Variants in EML4 observed in about 807,000 individuals in gnomAD.
EML4 encodes EMAP like 4.
Under a neutral mutation model 129.0 loss-of-function variants are expected in EML4, and 72 were observed. That is an observed-to-expected ratio of 0.56 (90% CI 0.46 to 0.68). EML4 has a LOEUF of 0.68. Ranked by LOEUF, EML4 falls within the 30% of genes least tolerant of loss-of-function variation. The probability of loss-of-function intolerance (pLI) is 0.00; values close to 1 mark genes in which losing one functional copy is unlikely to be tolerated. For missense variants in EML4, 1,363 were observed against 1,190.6 expected (o/e 1.14, Z -2.13); for synonymous variants, 532 against 405.0 (o/e 1.31, Z -3.77).
chr2:42,284,112 G>A (rs773745930), intron 8 of EML4, among the ~76,000 whole-genome samples: 5 of 152,114 alleles, frequency 3.3e-5, no homozygotes, highest in East Asian at 1.9e-4. Flanking sequence ...AGAATTTAGC[G>A]CTAAGAACTA....
intron 19 of EML4, among the ~76,000 whole-genome samples, chr2:42,320,839 C>G (rs1160347002): frequency 1.3e-5 from 2 of 151,908 alleles, no homozygotes; most frequent in South Asian, 2.1e-4. Context: ...GCCCAGGAGA[C>G]AGTATATTTA....
chr2:42,261,379 A>G lies in EML4; in HGVS notation c.512+85A>G, dbSNP rs529373671. On this transcript the variant is annotated intron_variant, in intron 4 of 22. Coordinates refer to ENST00000318522, the MANE Select transcript of EML4 (RefSeq NM_019063.5). ...GACTTGGGAAAAAGTTAGCTATCCA[A>G]GGATTCTGAGAGAAAAAGCTGGTGG... 3.4e-5 allele frequency: 43 copies of G among 1,246,530 alleles called. No individual in the cohort carries two copies. In the South Asian group the frequency reaches 7.9e-4, roughly 23 times the overall value. The allele number at this position is 1,246,530 out of a possible 1,614,324, so 77.2% of individuals were successfully genotyped here.
chr2:42,285,011 C>T (rs1667209012), intron 9 of EML4, among the ~76,000 whole-genome samples: 1 of 152,022 alleles, frequency 6.6e-6, no homozygotes, highest in Non-Finnish European at 1.5e-5. Flanking sequence ...CCAGTGTCTG[C>T]GGGAAGGTAC....
intron 21 of EML4, among the ~76,000 whole-genome samples, chr2:42,327,344 C>G (rs948416632): frequency 1.3e-5 from 2 of 152,174 alleles, no homozygotes; most frequent in African/African-American, 4.8e-5. Flanking sequence ...GTTTTCATTT[C>G]TCTTGGGTAT....
chr2:42,315,542 C>G (rs555162861), intron 17 of EML4, among the ~76,000 whole-genome samples: 9 of 152,088 alleles, frequency 5.9e-5, no homozygotes, highest in Non-Finnish European at 1.0e-4. Flanking sequence ...GAAAACATAT[C>G]ATACTTAAGG....
chr2:42,200,353 G>T (rs1672153620), intron 1 of EML4, among the ~76,000 whole-genome samples: 1 of 151,986 alleles, frequency 6.6e-6, no homozygotes, highest in African/African-American at 2.4e-5. Flanking sequence ...GCACTGTGTA[G>T]ACAAGGGGAA....
At chr2:42,172,030 G>A (rs1670313222) in intron 1 of EML4, among the ~76,000 whole-genome samples, 1 of 151,920 alleles carries the variant, frequency 6.6e-6, no homozygotes, top group South Asian at 2.1e-4. Context: ...ATAAAGGCAA[G>A]CACTTCTACT....
intron 3 of EML4, among the ~76,000 whole-genome samples, chr2:42,259,722 C>CTTTTTTTTTTTT (rs780243101): frequency 8.1e-5 from 8 of 98,346 alleles, no homozygotes; most frequent in African/African-American, 2.1e-4. Flanking sequence ...TTCTTTCTTT[C>CTTTTTTTTTTTT]TTTTTTTTTT....
chr2:42,269,896 G>A (rs191231395), intron 6 of EML4, among the ~76,000 whole-genome samples: 1 of 152,242 alleles, frequency 6.6e-6, no homozygotes, highest in East Asian at 1.9e-4. Flanking sequence ...AAGTGATATA[G>A]CAGAAAGGGC....
At chr2:42,207,854 T>A (rs982462140) in intron 1 of EML4, 2 of 152,244 alleles carry the variant, frequency 1.3e-5, no homozygotes, top group Non-Finnish European at 2.9e-5. Context: ...CTAATTGTTC[T>A]GTGTTTTAGA....
At chr2:42,314,548 C>T (rs1172152672) in intron 17 of EML4, among the ~76,000 whole-genome samples, 1 of 152,174 alleles carries the variant, frequency 6.6e-6, no homozygotes, top group African/African-American at 2.4e-5. Context: ...TTTTTCTAGT[C>T]TTGTCCTGTT....
chr2:42,327,738 T>C (rs1276135875), intron 21 of EML4, among the ~76,000 whole-genome samples: 6 of 152,216 alleles, frequency 3.9e-5, no homozygotes, highest in African/African-American at 1.2e-4. Context: ...TAAAGCGTTA[T>C]TTGCAAAGAA....
In EML4 at chr2:42,245,597, G is replaced by A. The variant is rs1203243993; in HGVS notation, c.118G>A (p.Val40Met). The A allele has an allele frequency of 6.2e-7, 1 of 1,613,864 alleles. No individual in the cohort carries two copies. The highest frequency in any genetic ancestry group is 1.1e-5 in the South Asian group (1 of 91,072). Residue 40 changes from valine to methionine, a missense_variant, in exon 2 of 23, where the codon GTG (valine) becomes ATG (methionine). Val to Met is a conservative substitution (Grantham distance 21). Coordinates refer to ENST00000318522, the MANE Select transcript of EML4 (RefSeq NM_019063.5). ...TCAGCAACAAGAAGATGAAATCACT[G>A]TGCTAAAGGCGGCTTTGGCTGATGT... Reference protein sequence around the residue: ...RVQQQEDEITVLKAALADVLR... With the variant: ...RVQQQEDEITMLKAALADVLR...
chr2:42,242,904 A>T (rs1675132453), intron 1 of EML4, among the ~76,000 whole-genome samples: 2 of 151,900 alleles, frequency 1.3e-5, no homozygotes, highest in South Asian at 4.2e-4. Context: ...CACTTTTCTG[A>T]GTAGCTGGGA....
intron 1 of EML4, among the ~76,000 whole-genome samples, chr2:42,242,598 A>G (rs1023869671): frequency 1.3e-5 from 2 of 151,946 alleles, no homozygotes; most frequent in African/African-American, 4.8e-5. Context: ...TCTCATGACT[A>G]CTACTCCTGT....
intron 1 of EML4, among the ~76,000 whole-genome samples, chr2:42,189,331 G>A (rs916240412): frequency 7.2e-5 from 11 of 152,320 alleles, no homozygotes; most frequent in African/African-American, 2.6e-4. Context: ...GAAGAGAGGA[G>A]GAGACCTGTT....
At chr2:42,221,596 GGTTTT>G (rs371292173) in intron 1 of EML4, among the ~76,000 whole-genome samples, 9 of 150,590 alleles carry the variant, frequency 6.0e-5, no homozygotes, top group African/African-American at 9.8e-5. Context: ...TGTTTTTTTG[GGTTTT>G]GTTTTGTTTT....
intron 1 of EML4, among the ~76,000 whole-genome samples, chr2:42,183,646 T>A (rs939933599): frequency 6.6e-5 from 10 of 152,288 alleles, no homozygotes; most frequent in Middle Eastern, 3.4e-3. Flanking sequence ...TCCTTTTTTT[T>A]AAATCGTTTA....
intron 2 of EML4, among the ~76,000 whole-genome samples, chr2:42,249,114 T>C (rs531750385): frequency 5.9e-5 from 9 of 152,308 alleles, no homozygotes; most frequent in Admixed American, 4.6e-4. Context: ...AGTTTTGATA[T>C]TAAACAGGAT....
Sources: gnomAD v4.1 joint callset for allele counts (sites outside exome capture counted in the v4.1 genomes callset) on GRCh38, gnomAD v4.1.1 for gene constraint, MANE v1.5 for transcripts, NCBI Gene and HGNC (gene_info 2026-07-23, HGNC 2026-07-21) for gene names.